Variants in ZNF385D observed in about 807,000 individuals in gnomAD.
ZNF385D encodes the protein zinc finger protein 385D.
Under a neutral mutation model 35.8 loss-of-function variants are expected in ZNF385D, and 15 were observed. The observed-to-expected ratio is 0.42, with a 90% confidence interval of 0.28 to 0.64. The LOEUF is 0.64. Among genes scored for constraint, ZNF385D ranks in the 30% least tolerant of loss-of-function variants. The pLI is 0.23. For missense variants in ZNF385D, 474 were observed against 494.6 expected (o/e 0.96, Z 0.39); for synonymous variants, 212 against 186.8 (o/e 1.13, Z -1.10).
At chr3:21,780,449 A>G (rs533406279) in intron 3 of ZNF385D, among the ~76,000 whole-genome samples, 8 of 152,058 alleles carry the variant, frequency 5.3e-5, no homozygotes, top group East Asian at 3.9e-4. Flanking sequence ...TTCTTTCTCA[A>G]TATCTTCCTT....
At chr3:22,350,738 A>G (rs901946037) in intron 2 of ZNF385D, among the ~76,000 whole-genome samples, 1 of 152,058 alleles carries the variant, frequency 6.6e-6, no homozygotes, top group Non-Finnish European at 1.5e-5. Context: ...GAATGAATAC[A>G]CTTCTTGACA....
intron 2 of ZNF385D, among the ~76,000 whole-genome samples, chr3:22,176,288 G>A (rs900036862): frequency 1.3e-5 from 2 of 152,076 alleles, no homozygotes; most frequent in Admixed American, 1.3e-4. Flanking sequence ...GAAAGTCACA[G>A]AACAGAAGAT....
chr3:22,260,761 G>C (rs143633252), intron 2 of ZNF385D, among the ~76,000 whole-genome samples: 1 of 151,972 alleles, frequency 6.6e-6, no homozygotes, highest in East Asian at 1.9e-4. Flanking sequence ...CAAAGTTTTA[G>C]TTATAGTCTT....
At chr3:21,765,343 A>G (rs564573378) in intron 3 of ZNF385D, among the ~76,000 whole-genome samples, 134 of 152,194 alleles carry the variant, frequency 8.8e-4, no homozygotes, top group Non-Finnish European at 1.6e-3. Flanking sequence ...TGTATTTCAG[A>G]GCAGCTGCCA....
At chr3:21,853,475 GT>G (rs1386665823) in intron 3 of ZNF385D, among the ~76,000 whole-genome samples, 1 of 146,008 alleles carries the variant, frequency 6.8e-6, no homozygotes, top group Non-Finnish European at 1.5e-5. Flanking sequence ...GGTTTCAAGT[GT>G]TTTAGAGTTT....
chr3:21,814,775 G>C (rs910999568), intron 3 of ZNF385D, among the ~76,000 whole-genome samples: 1 of 152,110 alleles, frequency 6.6e-6, no homozygotes, highest in Admixed American at 6.6e-5. Flanking sequence ...ACAGATCAAT[G>C]AGACAGAAAG....
upstream of ZNF385D, among the ~76,000 whole-genome samples, chr3:21,755,614 T>C (rs188439373): frequency 2.0e-5 from 3 of 152,316 alleles, no homozygotes; most frequent in Admixed American, 2.0e-4. Context: ...CTTTTTCACA[T>C]AGCACACTGT....
At chr3:22,222,628 C>T (rs1398971911) in intron 2 of ZNF385D, among the ~76,000 whole-genome samples, 1 of 152,136 alleles carries the variant, frequency 6.6e-6, no homozygotes, top group Non-Finnish European at 1.5e-5. Context: ...AAGCTACTTA[C>T]TGCTCTGAAG....
At chr3:21,659,968 A>C (rs530557112) in intron 2 of ZNF385D, among the ~76,000 whole-genome samples, 3 of 152,040 alleles carry the variant, frequency 2.0e-5, no homozygotes, top group Non-Finnish European at 4.4e-5. Context: ...AAATCACATA[A>C]ATTTCACTTT....
At chr3:21,558,609 G>C (rs1026307827) in intron 3 of ZNF385D, among the ~76,000 whole-genome samples, 44 of 152,188 alleles carry the variant, frequency 2.9e-4, no homozygotes, top group Non-Finnish European at 5.9e-4. Context: ...ATGAGTTGCT[G>C]AGAAGAACGT....
intron 2 of ZNF385D, among the ~76,000 whole-genome samples, chr3:21,567,403 A>T (rs2063187203): frequency 6.6e-6 from 1 of 152,050 alleles, no homozygotes; most frequent in South Asian, 2.1e-4. Flanking sequence ...TTTCCCCAGA[A>T]CCAAAATTAA....
chr3:22,269,612 C>A (rs560970294), intron 2 of ZNF385D, among the ~76,000 whole-genome samples: 28 of 151,932 alleles, frequency 1.8e-4, no homozygotes, highest in African/African-American at 5.8e-4. Flanking sequence ...AGAAAATGCA[C>A]AGATTGAAGA....
At chr3:22,110,993 T>C (rs1702490153) in intron 3 of ZNF385D, among the ~76,000 whole-genome samples, 1 of 151,926 alleles carries the variant, frequency 6.6e-6, no homozygotes, top group Admixed American at 6.6e-5. Flanking sequence ...CTGTGGTATT[T>C]AGTTTTATCA....
At chr3:21,838,026 A>C (rs1047020724) in intron 3 of ZNF385D, among the ~76,000 whole-genome samples, 1 of 152,122 alleles carries the variant, frequency 6.6e-6, no homozygotes, top group African/African-American at 2.4e-5. Context: ...ATGGGCCTAC[A>C]TTATCCCTTT....
intron 4 of ZNF385D, among the ~76,000 whole-genome samples, chr3:21,456,903 T>C (rs1702861078): frequency 6.6e-6 from 1 of 152,132 alleles, no homozygotes; most frequent in Non-Finnish European, 1.5e-5. Flanking sequence ...GCTACCTTTC[T>C]ACCCATTCCT....
chr3:21,553,262 T>G (rs989756610), intron 3 of ZNF385D, among the ~76,000 whole-genome samples: 2 of 152,152 alleles, frequency 1.3e-5, no homozygotes, highest in Non-Finnish European at 2.9e-5. Flanking sequence ...TCAGAAATAT[T>G]GCAATTTGGT....
chr3:21,432,028 T>G (rs73145217), intron 5 of ZNF385D, among the ~76,000 whole-genome samples: 2,004 of 152,222 alleles, frequency 0.013, 50 homozygotes, highest in African/African-American at 0.046. Context: ...CAATACAGAT[T>G]GATGAACAAA....
intron 3 of ZNF385D, among the ~76,000 whole-genome samples, chr3:21,536,864 C>G (rs532117150): frequency 6.6e-6 from 1 of 151,790 alleles, no homozygotes; most frequent in Non-Finnish European, 1.5e-5. Context: ...AAGCAAAGCA[C>G]GCAGAAATCG....
At chr3:22,141,895 G>GTT (rs1350222372) in intron 3 of ZNF385D, among the ~76,000 whole-genome samples, 1 of 152,204 alleles carries the variant, frequency 6.6e-6, no homozygotes, top group Non-Finnish European at 1.5e-5. Flanking sequence ...AGACAGTACT[G>GTT]TTTGCCTTGT....
Sources: gnomAD v4.1 joint callset for allele counts (sites outside exome capture counted in the v4.1 genomes callset) on GRCh38, gnomAD v4.1.1 for gene constraint, MANE v1.5 for transcripts, NCBI Gene and HGNC (gene_info 2026-07-23, HGNC 2026-07-21) for gene names.